Variants in ADORA2B observed in about 807,000 individuals in gnomAD.
The protein encoded by ADORA2B is adenosine A2b receptor, also known as adenosine receptor A2b.
A neutral mutation model predicts 20.8 loss-of-function variants in ADORA2B; 18 were observed. The ratio of observed to expected loss-of-function variants is 0.87; its 90% CI spans 0.60 to 1.29. The LOEUF (loss-of-function observed/expected upper bound fraction) is 1.29, where lower values mean the gene tolerates loss of function less well. Among genes scored for constraint, ADORA2B ranks in the 50% most tolerant of loss-of-function variants. The probability of loss-of-function intolerance (pLI) is 0.00; values close to 1 mark genes in which losing one functional copy is unlikely to be tolerated. For synonymous variants in ADORA2B, 179 were observed against 178.3 expected (o/e 1.00, Z -0.03); for missense variants, 441 against 422.7 (o/e 1.04, Z -0.38).
chr17:15,865,254 G>A, the ADORA2B span, among the ~76,000 whole-genome samples: 2 of 152,182 alleles, frequency 1.3e-5, no homozygotes, highest in Non-Finnish European at 2.9e-5. Context: ...ATAAACTATA[G>A]TGTTTTTTTT....
At chr17:15,926,691 G>A in the ADORA2B span, among the ~76,000 whole-genome samples, 1 of 152,182 alleles carries the variant, frequency 6.6e-6, no homozygotes, top group African/African-American at 2.4e-5. Flanking sequence ...AAAGTTCTGA[G>A]CAGGACCTAA....
chr17:15,936,234 C>T, the ADORA2B span, among the ~76,000 whole-genome samples: 1 of 152,002 alleles, frequency 6.6e-6, no homozygotes, highest in Admixed American at 6.6e-5. Flanking sequence ...TTCATCATTT[C>T]CATCTCTTTT....
At chr17:15,972,252 T>A (rs1267166540) in intron 1 of ADORA2B, among the ~76,000 whole-genome samples, 1 of 152,118 alleles carries the variant, frequency 6.6e-6, no homozygotes, top group Non-Finnish European at 1.5e-5. Context: ...GAGCCGAGGC[T>A]GGGGGGTTCT....
intron 1 of ADORA2B, among the ~76,000 whole-genome samples, chr17:15,971,985 C>T (rs180685428): frequency 1.1e-4 from 17 of 152,134 alleles, no homozygotes; most frequent in African/African-American, 4.1e-4. Context: ...GCTAGGTCTT[C>T]GGGATACCAA....
intron 1 of ADORA2B, among the ~76,000 whole-genome samples, chr17:15,946,703 G>A (rs752036345): frequency 3.9e-5 from 6 of 152,206 alleles, no homozygotes; most frequent in Non-Finnish European, 7.3e-5. Context: ...TAGAGGAGGG[G>A]TGATGGCCCA....
the ADORA2B span, among the ~76,000 whole-genome samples, chr17:15,934,223 TTTTA>T: frequency 6.6e-6 from 1 of 152,192 alleles, no homozygotes; most frequent in Non-Finnish European, 1.5e-5. Context: ...ATAGTATATA[TTTTA>T]TTTATTTTTT....
chr17:15,938,272 A>T, the ADORA2B span, among the ~76,000 whole-genome samples: 1 of 152,194 alleles, frequency 6.6e-6, no homozygotes, highest in East Asian at 1.9e-4. Context: ...AAATTTTTTC[A>T]TTAAATCAAT....
the ADORA2B span, among the ~76,000 whole-genome samples, chr17:15,929,558 T>C: frequency 2.0e-5 from 3 of 152,212 alleles, no homozygotes; most frequent in African/African-American, 4.8e-5. Context: ...GTCAACCTGC[T>C]GCCCACCCGC....
chr17:15,972,136 A>C (rs1307850534), intron 1 of ADORA2B, among the ~76,000 whole-genome samples: 1 of 152,194 alleles, frequency 6.6e-6, no homozygotes, highest in Non-Finnish European at 1.5e-5. Flanking sequence ...AGAGGTGAGC[A>C]AGAAAGGAAG....
chr17:15,929,717 C>T, the ADORA2B span, among the ~76,000 whole-genome samples: 1 of 152,222 alleles, frequency 6.6e-6, no homozygotes, highest in Non-Finnish European at 1.5e-5. Context: ...AACAGTGCTA[C>T]AACCTGGATG....
chr17:15,899,800 A>G, the ADORA2B span, among the ~76,000 whole-genome samples: 1 of 151,180 alleles, frequency 6.6e-6, no homozygotes, highest in Non-Finnish European at 1.5e-5. Flanking sequence ...GCTGTGTAGT[A>G]TTCCATGGTG....
In ADORA2B at chr17:15,948,743, CCTGTCCCTGGACCCTG is replaced by C. The variant is rs140691561; in HGVS notation, c.335+3162_335+3177del. ...AATGGGTCCAGTGCCGTGTATCTGA[CCTGTCCCTGGACCCTG>C]CCCAGTCACCCTCTCTGCTCTTGCC... On this transcript the variant is annotated intron_variant, in intron 1 of 1. Transcript: ENST00000304222. 9.0e-3 allele frequency among the ~76,000 whole-genome samples: 1,368 copies of C among 152,282 alleles called. 26 individuals carry two copies. Among genetic ancestry groups the C allele is most frequent in the African/African-American group, 0.031 (1,281 of 41,530 alleles).
the ADORA2B span, among the ~76,000 whole-genome samples, chr17:15,868,817 G>A: frequency 6.6e-6 from 1 of 150,718 alleles, no homozygotes; most frequent in Non-Finnish European, 1.5e-5. Flanking sequence ...CAAATAGCAC[G>A]TTTTTAAAGG....
chr17:15,958,581 G>A lies in ADORA2B; in HGVS notation c.335+12998G>A, dbSNP rs111382748. Reference sequence around the variant, plus strand: ...CCCACCTGGTCTGGGGCCTAGGTCTGCTTCTGGCCTCATCCCCGTCCTCTC... The same window carrying A: ...CCCACCTGGTCTGGGGCCTAGGTCTACTTCTGGCCTCATCCCCGTCCTCTC... On this transcript the variant is annotated intron_variant, in intron 1 of 1. Transcript: ENST00000304222. 7.5e-3 allele frequency among the ~76,000 whole-genome samples: 1,136 copies of A among 152,278 alleles called. 23 individuals are homozygous for A. The highest frequency in any genetic ancestry group is 0.025 in the African/African-American group (1,056 of 41,554).
At chr17:15,948,723 G>A (rs1348342066) in intron 1 of ADORA2B, among the ~76,000 whole-genome samples, 1 of 152,118 alleles carries the variant, frequency 6.6e-6, no homozygotes, top group African/African-American at 2.4e-5. Context: ...GGCCGAATGG[G>A]TCCAGTGCCG....
chr17:15,856,800 T>G, the ADORA2B span, among the ~76,000 whole-genome samples: 1 of 152,230 alleles, frequency 6.6e-6, no homozygotes, highest in Admixed American at 6.5e-5. Flanking sequence ...AAATTGGAAC[T>G]TATGTTTCAA....
chr17:15,942,256 T>C (rs1317710896), upstream of ADORA2B, among the ~76,000 whole-genome samples: 1 of 152,120 alleles, frequency 6.6e-6, no homozygotes, highest in Non-Finnish European at 1.5e-5. Flanking sequence ...GCTGTCCTCA[T>C]GATAGTGAGT....
the ADORA2B span, among the ~76,000 whole-genome samples, chr17:15,922,875 T>C: frequency 6.6e-6 from 1 of 152,246 alleles, no homozygotes. Flanking sequence ...TTTGCTGGTC[T>C]AATAGGTGAG....
the ADORA2B span, among the ~76,000 whole-genome samples, chr17:15,934,355 A>C: frequency 6.6e-6 from 1 of 152,100 alleles, no homozygotes; most frequent in African/African-American, 2.4e-5. Context: ...CCTCCCAAGT[A>C]GCTGGGACTA....
Sources: gnomAD v4.1 joint callset for allele counts (sites outside exome capture counted in the v4.1 genomes callset) on GRCh38, gnomAD v4.1.1 for gene constraint, MANE v1.5 for transcripts, NCBI Gene and HGNC (gene_info 2026-07-23, HGNC 2026-07-21) for gene names.